Variants in SHB observed in about 807,000 individuals in gnomAD.
SHB encodes SH2 domain containing adaptor protein B, also known as SH2 domain-containing adapter protein B.
SHB carries 20 observed loss-of-function variants against 52.3 expected under a neutral mutation model. The observed-to-expected ratio is 0.38, with a 90% CI of 0.27 to 0.56. The LOEUF is 0.56. SHB is among the 20% of genes least tolerant of loss of function. The probability of loss-of-function intolerance (pLI) is 0.71; values close to 1 mark genes in which losing one functional copy is unlikely to be tolerated. For synonymous variants in SHB, 397 were observed against 316.5 expected (o/e 1.25, Z -2.70); for missense variants, 825 against 723.3 (o/e 1.14, Z -1.61).
intron 2 of SHB, among the ~76,000 whole-genome samples, chr9:38,005,460 T>C (rs62541316): frequency 0.19 from 28,759 of 152,052 alleles, 3,577 homozygotes; most frequent in Middle Eastern, 0.33. Flanking sequence ...ACCGGCTACA[T>C]TGCCGCCACC....
At chr9:37,942,038 T>C (rs1438661664) in intron 5 of SHB, among the ~76,000 whole-genome samples, 2 of 152,232 alleles carry the variant, frequency 1.3e-5, no homozygotes, top group Non-Finnish European at 2.9e-5. Context: ...CAGACATGCC[T>C]ACTGTTTGAA....
At chr9:38,062,471 T>C (rs1821907558) in intron 1 of SHB, among the ~76,000 whole-genome samples, 1 of 152,226 alleles carries the variant, frequency 6.6e-6, no homozygotes. Context: ...AGGGTCACCA[T>C]GCCAGTTTCC....
At chr9:37,991,575 TAAAG>T (rs1374819359) in intron 2 of SHB, among the ~76,000 whole-genome samples, 1 of 152,162 alleles carries the variant, frequency 6.6e-6, no homozygotes, top group East Asian at 1.9e-4. Flanking sequence ...ACTCGATTAT[TAAAG>T]AACCATAGTT....
In SHB at chr9:38,068,548, C is replaced by T. The variant is rs752804677; in HGVS notation, c.98G>A (p.Arg33Gln). ...PRPDYREQRR[R>Q]GERPSQPPQA... ...GGGGGGCTGCGAAGGCCGCTCGCCT[C>T]GGCGCCGCTGCTCGCGGTAGTCTGG... is the stretch of plus-strand genomic sequence containing the variant. Residue 33 changes from arginine to glutamine, a missense_variant, in exon 1 of 6, where the codon CGA becomes CAA. Arg to Gln is a conservative substitution (Grantham distance 43). Transcript: ENST00000377707. The T allele has an allele frequency of 6.2e-6, 9 of 1,456,930 alleles. No homozygotes were observed. The Admixed American group carries it at 8.5e-5, about 14-fold the overall frequency. 90.3% of individuals were successfully genotyped at this position (1,456,930 alleles called of 1,614,324 possible). A position where few individuals can be genotyped will look rare whatever the true frequency, so the allele number is the denominator to read the frequency against.
chr9:38,044,558 T>C (rs1587261234), intron 1 of SHB, among the ~76,000 whole-genome samples: 1 of 152,096 alleles, frequency 6.6e-6, no homozygotes, highest in African/African-American at 2.4e-5. Context: ...TAATCATCAC[T>C]CCCACCTGCC....
chr9:38,031,974 C>T (rs1266199913), intron 1 of SHB, among the ~76,000 whole-genome samples: 1 of 152,158 alleles, frequency 6.6e-6, no homozygotes, highest in Non-Finnish European at 1.5e-5. Flanking sequence ...ACCTACCACC[C>T]AGCTTTCTCT....
chr9:38,017,926 G>C (rs1457460438), intron 1 of SHB, among the ~76,000 whole-genome samples: 2 of 152,140 alleles, frequency 1.3e-5, no homozygotes, highest in East Asian at 3.9e-4. Context: ...GCTGTCAAAC[G>C]GAACAGTTCA....
At chr9:37,931,954 T>C (rs1042410788) in intron 5 of SHB, among the ~76,000 whole-genome samples, 1 of 151,854 alleles carries the variant, frequency 6.6e-6, no homozygotes, top group African/African-American at 2.4e-5. Context: ...TGAAGGACAT[T>C]AGGGGCAGTG....
chr9:37,990,211 TGTTCA>T (rs11279513), intron 2 of SHB, among the ~76,000 whole-genome samples: 86,204 of 151,366 alleles, frequency 0.57, 24,864 homozygotes, highest in East Asian at 0.74. Context: ...TCTCAGCCTC[TGTTCA>T]GTTTAGAGCA....
At chr9:38,021,890 C>T in intron 1 of SHB, among the ~76,000 whole-genome samples, 1 of 152,182 alleles carries the variant, frequency 6.6e-6, no homozygotes, top group Non-Finnish European at 1.5e-5. Flanking sequence ...ACATCCGCCA[C>T]CCTGCTAAGG....
chr9:38,025,589 C>T (rs1564104810), intron 1 of SHB, among the ~76,000 whole-genome samples: 1 of 152,224 alleles, frequency 6.6e-6, no homozygotes, highest in African/African-American at 2.4e-5. Flanking sequence ...CTCAGGGTCA[C>T]AGGTGCCGGA....
chr9:37,943,507 C>T (rs940312374), intron 5 of SHB, among the ~76,000 whole-genome samples: 2 of 152,154 alleles, frequency 1.3e-5, no homozygotes, highest in African/African-American at 2.4e-5. Context: ...CCTTAGGTCA[C>T]GTTTGCAAGA....
At chr9:38,038,823 G>A (rs1462281229) in intron 1 of SHB, among the ~76,000 whole-genome samples, 1 of 152,168 alleles carries the variant, frequency 6.6e-6, no homozygotes, top group Non-Finnish European at 1.5e-5. Flanking sequence ...GGGAGTGACA[G>A]TGGGCAGGGG....
intron 1 of SHB, among the ~76,000 whole-genome samples, chr9:38,043,724 T>C (rs1821609876): frequency 6.6e-6 from 1 of 152,018 alleles, no homozygotes; most frequent in African/African-American, 2.4e-5. Flanking sequence ...ACCCCATCTC[T>C]ACTAAAAATA....
chr9:38,017,453 T>TGTGGCAGCCGTCCTGGCAGG (rs1399194420), intron 1 of SHB, among the ~76,000 whole-genome samples: 2 of 152,228 alleles, frequency 1.3e-5, no homozygotes, highest in Non-Finnish European at 2.9e-5. Flanking sequence ...AATGGCAGCT[T>TGTGGCAGCCGTCCTGGCAGG]GTGGCAGCCG....
Position 37,918,527 on chromosome 9 carries a change from G to A in SHB, c.*1294C>T, listed in dbSNP as rs553497331. 2.6e-5 allele frequency among the ~76,000 whole-genome samples: 4 copies of A among 151,722 alleles called. No homozygotes were observed. In the South Asian group the frequency reaches 8.3e-4, roughly 32 times the overall value. On this transcript the variant is annotated 3_prime_UTR_variant, in exon 6 of 6. Coordinates refer to ENST00000377707, the MANE Select transcript of SHB (RefSeq NM_003028.3). ...TGTGTGTGTGTGTAGGTGTTCTTGT[G>A]TGTGGAAGCAGTGTGGACCACTGAG...
intron 1 of SHB, among the ~76,000 whole-genome samples, chr9:38,029,322 C>A (rs918497270): frequency 1.3e-5 from 2 of 152,148 alleles, no homozygotes; most frequent in African/African-American, 4.8e-5. Context: ...ACAATTCATA[C>A]AACAGTATAG....
In SHB at chr9:37,944,492, G is replaced by T. The variant is rs735741; in HGVS notation, c.1346+4143C>A. Among the ~76,000 whole-genome samples the T allele has an allele frequency of 2.0e-4, 31 of 152,058 alleles. 1 individual carries two copies. The South Asian group carries it at 6.2e-3, about 31-fold the overall frequency. On this transcript the variant is annotated intron_variant, in intron 5 of 5. Transcript: ENST00000377707. ...TAGGTCTGACGTCAGAAGACCTTTC[G>T]ACTGAGTGTAAGGAATGCCGGGGAG...
intron 2 of SHB, among the ~76,000 whole-genome samples, chr9:37,978,461 A>G (rs1411097781): frequency 1.3e-5 from 2 of 152,268 alleles, no homozygotes; most frequent in African/African-American, 4.8e-5. Flanking sequence ...ACTGGATGGA[A>G]TATTAAGCAG....
Sources: gnomAD v4.1 joint callset for allele counts (sites outside exome capture counted in the v4.1 genomes callset) on GRCh38, gnomAD v4.1.1 for gene constraint, MANE v1.5 for transcripts, NCBI Gene and HGNC (gene_info 2026-07-23, HGNC 2026-07-21) for gene names.